ZNF578: variants seen among roughly 807,000 people sequenced by gnomAD.
ZNF578 encodes Putative chemokine-related protein B42.
In ZNF578, 8 loss-of-function variants were observed where a neutral mutation model predicts 8.3. That is an observed-to-expected ratio of 0.96 (90% CI 0.56 to 1.74). The LOEUF (loss-of-function observed/expected upper bound fraction) is 1.74. Ranked by LOEUF, ZNF578 falls within the 40% of genes most tolerant of loss-of-function variation. ZNF578 has a pLI of 0.00. For synonymous variants in ZNF578, 206 were observed against 232.2 expected, an observed-to-expected ratio of 0.89 and a Z score of 1.03; for missense variants, 726 against 707.5, an observed-to-expected ratio of 1.03 and a Z score of -0.30.
Position 52,472,057 on chromosome 19 carries a change from G to T in ZNF578, c.-122+15099G>T, listed in dbSNP as rs116310139. Among the ~76,000 whole-genome samples, 46 of 152,164 alleles carry T rather than the reference G, an allele frequency of 3.0e-4. 1 individual carries two copies. The highest frequency in any genetic ancestry group is 1.0e-3 in the African/African-American group (43 of 41,490). On this transcript the variant is annotated intron_variant, in intron 2 of 5. Coordinates refer to ENST00000421239, the MANE Select transcript of ZNF578 (RefSeq NM_001099694.2). ...CATATAAATGAAAGTGCATGCCATG[G>T]GTCTTATTTGGCATACACACAAAAA...
chr19:52,506,462 CTTTTTTTTTT>C (rs35676968), intron 5 of ZNF578, among the ~76,000 whole-genome samples: 12 of 109,152 alleles, frequency 1.1e-4, no homozygotes, highest in South Asian at 1.0e-3. Context: ...AGTACAGTTT[CTTTTTTTTTT>C]TTTTTTTTTT....
chr19:52,500,682 C>T (rs1266174818), intron 3 of ZNF578, among the ~76,000 whole-genome samples: 4 of 151,856 alleles, frequency 2.6e-5, no homozygotes, highest in South Asian at 4.1e-4. Flanking sequence ...TATGCTGGGT[C>T]TTTCTTTTGA....
rs939578706 is a variant in ZNF578, at chr19:52,512,850, T to G, written c.*696T>G. On this transcript the variant is annotated 3_prime_UTR_variant, in exon 6 of 6. Transcript: ENST00000421239. ...ACTTGAGTTTGTGTTGACTTAACAT[T>G]GAGTTCAAGCCTTAATTGACATGCA... is the stretch of plus-strand genomic sequence containing the variant. 1.3e-5 allele frequency among the ~76,000 whole-genome samples: 2 copies of G among 152,172 alleles called. No homozygotes were observed. Among genetic ancestry groups the G allele is most frequent in the African/African-American group, 4.8e-5 (2 of 41,418 alleles).
intron 2 of ZNF578, among the ~76,000 whole-genome samples, chr19:52,459,118 G>T (rs181587492): frequency 2.9e-3 from 445 of 152,214 alleles, no homozygotes; most frequent in African/African-American, 0.01. Context: ...GATGCTCTTT[G>T]TTATGTCTTT....
intron 3 of ZNF578, among the ~76,000 whole-genome samples, chr19:52,492,655 A>G (rs1373357533): frequency 6.6e-6 from 1 of 152,086 alleles, no homozygotes; most frequent in Non-Finnish European, 1.5e-5. Flanking sequence ...AAAACAGAGG[A>G]GCTGCCTGCC....
intron 3 of ZNF578, chr19:52,493,000 TA>T (rs2059371757): frequency 6.6e-6 from 1 of 152,364 alleles, no homozygotes; most frequent in East Asian, 1.9e-4. Context: ...GATGTCCCCG[TA>T]AGAGTCCGGG....
chr19:52,509,956 A>ACTGCAACCT (rs1479054086), intron 5 of ZNF578, among the ~76,000 whole-genome samples: 2 of 149,790 alleles, frequency 1.3e-5, no homozygotes, highest in Non-Finnish European at 3.0e-5. Context: ...ATCTTGGCTC[A>ACTGCAACCT]CTGCAACCTC....
chr19:52,498,963 G>A (rs1034237326), intron 3 of ZNF578, among the ~76,000 whole-genome samples: 3 of 152,164 alleles, frequency 2.0e-5, no homozygotes, highest in African/African-American at 7.2e-5. Flanking sequence ...GATTTCAAGG[G>A]TGGGTCACCA....
chr19:52,461,348 C>T (rs542666904), intron 2 of ZNF578, among the ~76,000 whole-genome samples: 3 of 152,160 alleles, frequency 2.0e-5, no homozygotes. Flanking sequence ...AACAGTCTGT[C>T]TAAGATCATT....
intron 5 of ZNF578, among the ~76,000 whole-genome samples, chr19:52,509,725 C>T (rs2059437745): frequency 1.3e-5 from 2 of 151,936 alleles, no homozygotes; most frequent in African/African-American, 4.8e-5. Flanking sequence ...TGAGATGGCA[C>T]CATGGCACTT....
At chr19:52,459,651 A>G (rs1238405993) in intron 2 of ZNF578, among the ~76,000 whole-genome samples, 36 of 139,278 alleles carry the variant, frequency 2.6e-4, no homozygotes, top group African/African-American at 1.0e-3. Flanking sequence ...ACACACACAC[A>G]TATATATACT....
intron 5 of ZNF578, among the ~76,000 whole-genome samples, chr19:52,510,293 T>A (rs1390949441): frequency 1.3e-5 from 2 of 152,094 alleles, no homozygotes; most frequent in Non-Finnish European, 2.9e-5. Flanking sequence ...CACTGTAGGG[T>A]CACAGTGGAA....
At chr19:52,486,064 T>G (rs1290899009) in intron 2 of ZNF578, among the ~76,000 whole-genome samples, 1 of 152,206 alleles carries the variant, frequency 6.6e-6, no homozygotes, top group East Asian at 1.9e-4. Flanking sequence ...AATGTCTCCA[T>G]GTAAAACCCG....
rs2059466676 is a variant in ZNF578 at position 52,514,920 on chromosome 19, C to T, written c.*2766C>T. ...TCGCGATCCACCCGACTCAGCCTCC[C>T]ACTGTGATGGGATTACAGGCATGAG... On this transcript the variant is annotated 3_prime_UTR_variant, in exon 6 of 6. Transcript: ENST00000421239. Among the ~76,000 whole-genome samples the T allele has an allele frequency of 6.6e-6, 1 of 151,098 alleles. No homozygotes were observed. The highest frequency in any genetic ancestry group is 6.6e-5 in the Admixed American group (1 of 15,150).
Position 52,459,769 on chromosome 19 carries a change from A to ATATATTTTTTTTTTT in ZNF578, c.-122+2812_-122+2813insATATTTTTTTTTTTT, listed in dbSNP as rs1555751349. Among the ~76,000 whole-genome samples the ATATATTTTTTTTTTT allele has an allele frequency of 4.5e-4, 8 of 17,620 alleles. 2 individuals carry two copies. The highest frequency in any genetic ancestry group is 6.9e-4 in the Non-Finnish European group (7 of 10,084). The allele number at this position is 17,620 out of a possible 152,430, so 11.6% of individuals were successfully genotyped here. On this transcript the variant is annotated intron_variant, in intron 2 of 5. Transcript: ENST00000421239. ...TGTGTGTGTATATATATATATATAT[A>ATATATTTTTTTTTTT]TTTTTTTTTTTTTTTTTTTTTTTTG...
At chr19:52,456,259 C>T (rs913691638) in intron 1 of ZNF578, 2 of 152,140 alleles carry the variant, frequency 1.3e-5, no homozygotes, top group African/African-American at 4.8e-5. Context: ...ACAACAAGGA[C>T]CCAAGGGGAG....
chr19:52,488,906 C>G (rs1345694999), intron 2 of ZNF578, among the ~76,000 whole-genome samples: 1 of 152,036 alleles, frequency 6.6e-6, no homozygotes, highest in African/African-American at 2.4e-5. Flanking sequence ...ACCTGCCTGG[C>G]CTACATGGTG....
intron 3 of ZNF578, among the ~76,000 whole-genome samples, chr19:52,496,081 G>A (rs182448132): frequency 2.4e-3 from 369 of 152,024 alleles, no homozygotes; most frequent in Non-Finnish European, 3.9e-3. Context: ...GTGGAGTGGA[G>A]CGATCTGGAC....
rs2123002279 is a variant in ZNF578, at chr19:52,513,025, A to G, written c.*871A>G. 6.6e-6 allele frequency among the ~76,000 whole-genome samples: 1 copy of G among 152,012 alleles called. No homozygotes were observed. The highest frequency in any genetic ancestry group is 1.5e-5 in the Non-Finnish European group (1 of 67,958). The stretch of plus-strand genomic sequence containing the variant: ...GTGAGCCAGTTTTCCCAGCCTGTTT[A>G]TTATTATTTTTTGAGATGGAGTGTT... On this transcript the variant is annotated 3_prime_UTR_variant, in exon 6 of 6. Transcript: ENST00000421239.
Sources: gnomAD v4.1 joint callset for allele counts (sites outside exome capture counted in the v4.1 genomes callset) on GRCh38, gnomAD v4.1.1 for gene constraint, MANE v1.5 for transcripts, NCBI Gene and HGNC (gene_info 2026-07-23, HGNC 2026-07-21) for gene names.